BCAS3: variants seen among roughly 807,000 people sequenced by gnomAD.
The protein encoded by BCAS3 is BCAS4/BCAS3 fusion.
BCAS3 carries 53 observed loss-of-function variants against 116.1 expected under a neutral mutation model. The ratio of observed to expected loss-of-function variants is 0.46; its 90% CI spans 0.37 to 0.57. BCAS3 has a LOEUF of 0.57. Ranked by LOEUF, BCAS3 falls within the 20% of genes least tolerant of loss-of-function variation. The probability of loss-of-function intolerance (pLI) is 0.00; values close to 1 mark genes in which losing one functional copy is unlikely to be tolerated. For missense variants in BCAS3, 917 were observed against 1,165.4 expected (o/e 0.79, Z 3.10); for synonymous variants, 391 against 408.2 (o/e 0.96, Z 0.51).
At chr17:60,904,689 T>A (rs148317624) in intron 11 of BCAS3, among the ~76,000 whole-genome samples, 19 of 152,246 alleles carry the variant, frequency 1.2e-4, no homozygotes, top group Non-Finnish European at 2.2e-4. Context: ...AAAAATTATC[T>A]GAGTGTGATG....
rs1359886418 is a variant in BCAS3, at chr17:61,021,506, A to G, written c.1637+5605A>G. Among the ~76,000 whole-genome samples the G allele has an allele frequency of 6.6e-6, 1 of 151,956 alleles. No homozygotes were observed. The highest frequency in any genetic ancestry group is 1.5e-5 in the Non-Finnish European group (1 of 67,990). ...TTCTTCTCATCTGGGTTCTGCACCTATTTGCCAGTGTGTCCTAGGTAAATT... is the reference window on the plus strand; with the variant it reads ...TTCTTCTCATCTGGGTTCTGCACCTGTTTGCCAGTGTGTCCTAGGTAAATT... On this transcript the variant is annotated intron_variant, in intron 16 of 23. Coordinates refer to ENST00000407086, the MANE Select transcript of BCAS3 (RefSeq NM_017679.5). The surrounding 1 kb of genome is among the most constrained non-coding windows in gnomAD (Gnocchi z 4.6).
At chr17:60,896,929 T>G (rs1172930938) in intron 10 of BCAS3, among the ~76,000 whole-genome samples, 1 of 152,162 alleles carries the variant, frequency 6.6e-6, no homozygotes, top group African/African-American at 2.4e-5. Context: ...TGTTTGATGT[T>G]ATGGTTTGGT....
chr17:60,909,437 A>G (rs1456914776), intron 11 of BCAS3, among the ~76,000 whole-genome samples: 2 of 152,284 alleles, frequency 1.3e-5, no homozygotes, highest in Non-Finnish European at 2.9e-5. Context: ...TTTAGAAAAG[A>G]TAGTCACCTC....
In BCAS3 at chr17:61,145,263, T is replaced by C. The variant is rs990574383; in HGVS notation, c.2425+60699T>C. 2.0e-5 allele frequency among the ~76,000 whole-genome samples: 3 copies of C among 152,242 alleles called. No homozygotes were observed. Among genetic ancestry groups the C allele is most frequent in the Non-Finnish European group, 4.4e-5 (3 of 68,042 alleles). On this transcript the variant is annotated intron_variant, in intron 22 of 23. Transcript: ENST00000407086. This position sits in a 1 kb window ranked among gnomAD's most constrained non-coding sequence, Gnocchi z 5.0. ...TTTCTGCCGTCTTCACCTTTGCTGA[T>C]GGTTCTGCAACTCATCACCAGCTAT...
intron 15 of BCAS3, among the ~76,000 whole-genome samples, chr17:60,996,808 A>G (rs113334666): frequency 3.3e-5 from 5 of 152,228 alleles, no homozygotes; most frequent in African/African-American, 1.2e-4. Flanking sequence ...GTGACATACA[A>G]AGCAAAACTA....
intron 6 of BCAS3, among the ~76,000 whole-genome samples, chr17:60,780,645 C>T (rs891162451): frequency 1.3e-5 from 2 of 152,074 alleles, no homozygotes; most frequent in Non-Finnish European, 2.9e-5. Context: ...GGTAACTTGT[C>T]GTACACAGAG....
chr17:60,680,240 T>C (rs1205100403), intron 2 of BCAS3, among the ~76,000 whole-genome samples: 1 of 152,086 alleles, frequency 6.6e-6, no homozygotes, highest in Non-Finnish European at 1.5e-5. Flanking sequence ...AATATGTTCA[T>C]GTGTATGTAT....
chr17:61,123,694 T>C (rs1181568082), intron 22 of BCAS3, among the ~76,000 whole-genome samples: 1 of 152,150 alleles, frequency 6.6e-6, no homozygotes, highest in African/African-American at 2.4e-5. Context: ...GTAGTGCCTC[T>C]GTAAAGTGAT....
intron 7 of BCAS3, among the ~76,000 whole-genome samples, chr17:60,817,511 G>A (rs1177071975): frequency 1.3e-5 from 2 of 152,202 alleles, no homozygotes; most frequent in African/African-American, 4.8e-5. Context: ...TGACCTTTAT[G>A]TAGAGAGAAT....
intron 14 of BCAS3, among the ~76,000 whole-genome samples, chr17:60,951,308 TGC>T (rs1192656422): frequency 6.6e-6 from 1 of 152,218 alleles, no homozygotes; most frequent in Non-Finnish European, 1.5e-5. Context: ...CTATACTCTT[TGC>T]TTTTTGAATA....
intron 13 of BCAS3, among the ~76,000 whole-genome samples, chr17:60,929,733 C>T (rs2059547211): frequency 8.8e-6 from 1 of 113,500 alleles, no homozygotes. Flanking sequence ...CCCCACCCCA[C>T]AACAGTCCCC....
At chr17:60,781,019 A>T (rs549698044) in intron 6 of BCAS3, among the ~76,000 whole-genome samples, 9 of 151,726 alleles carry the variant, frequency 5.9e-5, no homozygotes, top group Non-Finnish European at 1.3e-4. Context: ...CCCAGGCTGG[A>T]GTGCAGTGGC....
At chr17:60,746,250 T>C (rs1025358319) in intron 5 of BCAS3, among the ~76,000 whole-genome samples, 2 of 152,132 alleles carry the variant, frequency 1.3e-5, no homozygotes, top group African/African-American at 4.8e-5. Context: ...ATTTAATCTG[T>C]CCATTCCCCT....
intron 23 of BCAS3, among the ~76,000 whole-genome samples, chr17:61,371,060 C>T (rs2059018061): frequency 1.3e-5 from 2 of 152,220 alleles, no homozygotes; most frequent in Non-Finnish European, 1.5e-5. Context: ...TAAGTCAGTT[C>T]CCTTAATGCT....
In BCAS3 at chr17:61,251,913, T is replaced by C. The variant is rs1055945639; in HGVS notation, c.2426-116414T>C. On this transcript the variant is annotated intron_variant, in intron 22 of 23. Coordinates refer to ENST00000407086, the MANE Select transcript of BCAS3 (RefSeq NM_017679.5). This position sits in a 1 kb window ranked among gnomAD's most constrained non-coding sequence, Gnocchi z 4.7. The stretch of plus-strand genomic sequence containing the variant: ...AATGAAGATCCCAAATATGTGAGCC[T>C]TCTATCAAGCTTGATCTCAAGGAAC... 6.6e-6 allele frequency among the ~76,000 whole-genome samples: 1 copy of C among 152,214 alleles called. No individual in the cohort carries two copies. Among genetic ancestry groups the C allele is most frequent in the African/African-American group, 2.4e-5 (1 of 41,442 alleles).
At chr17:61,100,526 A>G (rs1430695937) in intron 22 of BCAS3, among the ~76,000 whole-genome samples, 1 of 152,106 alleles carries the variant, frequency 6.6e-6, no homozygotes, top group East Asian at 1.9e-4. Flanking sequence ...GTGTTCTTAA[A>G]CTTTTACTGT....
rs1159746194 is a variant in BCAS3, at chr17:61,248,160, C to T, written c.2426-120167C>T. 1.3e-5 allele frequency among the ~76,000 whole-genome samples: 2 copies of T among 152,102 alleles called. No homozygotes were observed. The highest frequency in any genetic ancestry group is 4.8e-5 in the African/African-American group (2 of 41,422). Reference sequence around the variant, plus strand: ...TGCTTTTCTGAGCACTTCTTGGATCCTTTCCCCAACAAAGCCACCAAGGGA... The same window carrying T: ...TGCTTTTCTGAGCACTTCTTGGATCTTTTCCCCAACAAAGCCACCAAGGGA... On this transcript the variant is annotated intron_variant, in intron 22 of 23. Transcript: ENST00000407086. This position sits in a 1 kb window ranked among gnomAD's most constrained non-coding sequence, Gnocchi z 4.3.
chr17:60,679,965 T>C (rs1323482991), intron 2 of BCAS3, among the ~76,000 whole-genome samples: 1 of 151,782 alleles, frequency 6.6e-6, no homozygotes, highest in Non-Finnish European at 1.5e-5. Flanking sequence ...GGTGAAACCC[T>C]GTCTCTACTA....
At chr17:60,775,076 A>T (rs1805392709) in intron 6 of BCAS3, among the ~76,000 whole-genome samples, 1 of 152,190 alleles carries the variant, frequency 6.6e-6, no homozygotes, top group African/African-American at 2.4e-5. Context: ...AGAAAAAAAT[A>T]AATTTCAAAT....
Sources: allele counts gnomAD v4.1 joint callset (sites outside exome capture counted in the v4.1 genomes callset), GRCh38; gene constraint gnomAD v4.1.1; non-coding constraint Gnocchi (gnomAD v3.1); transcripts MANE v1.5; gene names NCBI Gene and HGNC (gene_info 2026-07-23, HGNC 2026-07-21).